The following SPATA13 variants were observed in gnomAD, a reference collection of about 807,000 sequenced individuals.
The protein encoded by SPATA13 is spermatogenesis associated 13, also known as spermatogenesis-associated protein 13.
Under a neutral mutation model 104.0 loss-of-function variants are expected in SPATA13, and 50 were observed. The observed-to-expected ratio is 0.48, with a 90% confidence interval of 0.38 to 0.61. The LOEUF is 0.61. Ranked by LOEUF, SPATA13 falls within the 20% of genes least tolerant of loss-of-function variation. The pLI is 0.00. For synonymous variants in SPATA13, 606 were observed against 667.5 expected (o/e 0.91, Z 1.42); for missense variants, 1,524 against 1,690.6 (o/e 0.90, Z 1.73).
Position 24,289,132 on chromosome 13 carries a change from A to C in SPATA13, c.2801A>C (p.Lys934Thr). Residue 934 changes from lysine (K) to threonine (T), a missense_variant, in exon 8 of 13, where the codon AAA (lysine) becomes ACA (threonine). By Grantham distance (78) the Lys-to-Thr change is moderately conservative (BLOSUM62 -1). Transcript: ENST00000382108. ...AAAGACCTTGAGAAACAGTACAACA[A>C]AGAGGAACCTCACTTAAGTGAAATA... ...FLKDLEKQYN[K>T]EEPHLSEIGS... 1 of 1,612,556 alleles carries C rather than the reference A, an allele frequency of 6.2e-7. No homozygotes were observed. Among genetic ancestry groups the C allele is most frequent in the Non-Finnish European group, 8.5e-7 (1 of 1,179,672 alleles).
At chr13:24,188,297 A>G (rs1869287645) in intron 1 of SPATA13, among the ~76,000 whole-genome samples, 1 of 151,830 alleles carries the variant, frequency 6.6e-6, no homozygotes, top group African/African-American at 2.4e-5. Context: ...ATGTCACTGC[A>G]CTCCAGCCTG....
intron 2 of SPATA13, among the ~76,000 whole-genome samples, chr13:23,998,927 G>GA (rs144157914): frequency 0.29 from 41,780 of 145,568 alleles, 6,486 homozygotes; most frequent in Non-Finnish European, 0.32. Flanking sequence ...CACTAACTTT[G>GA]GTTTTTTTTT....
At chr13:24,030,955 AC>A (rs556221035) in intron 3 of SPATA13, among the ~76,000 whole-genome samples, 5 of 152,368 alleles carry the variant, frequency 3.3e-5, no homozygotes, top group African/African-American at 1.2e-4. Context: ...CCACAAAGTA[AC>A]AACCAATCTT....
chr13:24,012,762 C>T (rs1876530822), intron 2 of SPATA13, among the ~76,000 whole-genome samples: 1 of 152,256 alleles, frequency 6.6e-6, no homozygotes, highest in South Asian at 2.1e-4. Flanking sequence ...ATGCCCACTG[C>T]AACAGTCAGT....
At chr13:24,285,052 G>A (rs9507299) in intron 5 of SPATA13, among the ~76,000 whole-genome samples, 49,433 of 151,742 alleles carry the variant, frequency 0.33, 8,323 homozygotes, top group East Asian at 0.52. Flanking sequence ...CCAGCTTTTG[G>A]CATTCTTGAG....
chr13:24,258,310 T>C (rs116253231), intron 4 of SPATA13, among the ~76,000 whole-genome samples: 1,934 of 139,140 alleles, frequency 0.014, 44 homozygotes, highest in African/African-American at 0.049. Flanking sequence ...CACAGATGTG[T>C]GAAATTGGTC....
At chr13:24,123,887 C>T in intron 3 of SPATA13, 1 of 656,876 alleles carries the variant, frequency 1.5e-6, no homozygotes, top group Non-Finnish European at 2.7e-6. Context: ...AAAACTCCTC[C>T]ACCCAGAGAT....
At position 24,160,744 on chromosome 13, in the gene SPATA13, G is replaced by A; in HGVS notation, c.-300G>A. 1 of 985,582 alleles carries A rather than the reference G, an allele frequency of 1.0e-6. No individual in the cohort carries two copies. The highest frequency in any genetic ancestry group is 4.7e-5 in the South Asian group (1 of 21,300). 61.1% of individuals were successfully genotyped at this position (985,582 alleles called of 1,614,324 possible). A position where few individuals can be genotyped will look rare whatever the true frequency, so the allele number is the denominator to read the frequency against. On this transcript the variant is annotated 5_prime_UTR_variant, in exon 1 of 13. Transcript: ENST00000382108. ...TGAGTGTGCTGCCGCGGCGCGGGAG[G>A]AGAGTGTGCGTTGCGCTTTCTCCCG...
intron 1 of SPATA13, among the ~76,000 whole-genome samples, chr13:24,196,914 G>A (rs1481458889): frequency 6.6e-6 from 1 of 151,584 alleles, no homozygotes; most frequent in Non-Finnish European, 1.5e-5. Context: ...AAAAAAAACA[G>A]TTTGAAGAGG....
intron 3 of SPATA13, among the ~76,000 whole-genome samples, chr13:24,143,667 AC>A (rs958335896): frequency 6.6e-6 from 1 of 152,122 alleles, no homozygotes; most frequent in African/African-American, 2.4e-5. Flanking sequence ...ACGTCCTGAT[AC>A]CACCCACAGG....
At chr13:24,054,671 A>G (rs1218816227) in intron 3 of SPATA13, among the ~76,000 whole-genome samples, 1 of 152,246 alleles carries the variant, frequency 6.6e-6, no homozygotes, top group Non-Finnish European at 1.5e-5. Context: ...GTGAAATATA[A>G]TAATAGTAGC....
chr13:24,159,857 T>C (rs1029101678), upstream of SPATA13, among the ~76,000 whole-genome samples: 1 of 152,216 alleles, frequency 6.6e-6, no homozygotes, highest in African/African-American at 2.4e-5. Context: ...AAATGAATCA[T>C]CTAAAAAACT....
intron 3 of SPATA13, among the ~76,000 whole-genome samples, chr13:24,138,428 T>G (rs1199560439): frequency 6.6e-6 from 1 of 152,224 alleles, no homozygotes; most frequent in African/African-American, 2.4e-5. Context: ...GGACTGGAAC[T>G]GCTATTGAAC....
intron 3 of SPATA13, among the ~76,000 whole-genome samples, chr13:24,093,082 A>G (rs1455365229): frequency 6.6e-6 from 1 of 152,168 alleles, no homozygotes; most frequent in Non-Finnish European, 1.5e-5. Context: ...TTTTACTTGA[A>G]TTGTTTTCCA....
intron 2 of SPATA13, among the ~76,000 whole-genome samples, chr13:23,999,565 A>G (rs1211878117): frequency 6.6e-6 from 1 of 151,588 alleles, no homozygotes; most frequent in Non-Finnish European, 1.5e-5. Flanking sequence ...GGGACTCCCA[A>G]CTCCATCTGG....
chr13:23,982,487 A>G (rs1874946994), intron 1 of SPATA13, among the ~76,000 whole-genome samples: 1 of 152,312 alleles, frequency 6.6e-6, no homozygotes, highest in African/African-American at 2.4e-5. Flanking sequence ...AATAAACTTT[A>G]CCGGACTGAT....
At chr13:23,994,691 T>G (rs955870282) in intron 2 of SPATA13, among the ~76,000 whole-genome samples, 1 of 152,222 alleles carries the variant, frequency 6.6e-6, no homozygotes, top group Non-Finnish European at 1.5e-5. Flanking sequence ...TATAGAGTGC[T>G]GTTTTTTTAA....
At chr13:24,272,044 G>T (rs950220559) in intron 4 of SPATA13, among the ~76,000 whole-genome samples, 29 of 152,228 alleles carry the variant, frequency 1.9e-4, no homozygotes, top group Admixed American at 1.3e-4. Context: ...GGTAATGCTA[G>T]CGAGACGGCA....
At chr13:24,127,635 T>G (rs983367243) in intron 3 of SPATA13, among the ~76,000 whole-genome samples, 1 of 152,204 alleles carries the variant, frequency 6.6e-6, no homozygotes, top group Admixed American at 6.5e-5. Context: ...AGCTGGTAAG[T>G]TTCTTGAGAA....
Sources: gnomAD v4.1 joint callset for allele counts (sites outside exome capture counted in the v4.1 genomes callset) on GRCh38, gnomAD v4.1.1 for gene constraint, MANE v1.5 for transcripts, NCBI Gene and HGNC (gene_info 2026-07-23, HGNC 2026-07-21) for gene names.